Variants in ARK2N observed in about 807,000 individuals in gnomAD.
ARK2N encodes the protein protein ARK2N.
chr18:46,241,898 C>A, the ARK2N span, among the ~76,000 whole-genome samples: 1 of 152,008 alleles, frequency 6.6e-6, no homozygotes, highest in Non-Finnish European at 1.5e-5. Flanking sequence ...CTCACTGCAA[C>A]CTCCGCCTCC....
chr18:46,230,904 T>C, the ARK2N span, among the ~76,000 whole-genome samples: 2 of 152,228 alleles, frequency 1.3e-5, no homozygotes, highest in African/African-American at 4.8e-5. Context: ...TAAAGGTAAA[T>C]GTGTTTTTGA....
chr18:46,245,861 AT>A, the ARK2N span, among the ~76,000 whole-genome samples: 10 of 152,078 alleles, frequency 6.6e-5, no homozygotes, highest in Non-Finnish European at 1.5e-5. Context: ...TTCTTACCCT[AT>A]TTTGATAACT....
chr18:46,259,813 T>TGTGTGTGTGTGTG, the ARK2N span, among the ~76,000 whole-genome samples: 18 of 145,276 alleles, frequency 1.2e-4, no homozygotes, highest in African/African-American at 2.1e-4. Flanking sequence ...TGTGTGTGTG[T>TGTGTGTGTGTGTG]TTGACAGAGA....
At chr18:46,201,506 C>T in the ARK2N span, among the ~76,000 whole-genome samples, 1 of 152,038 alleles carries the variant, frequency 6.6e-6, no homozygotes, top group Non-Finnish European at 1.5e-5. Context: ...GGTGACGATG[C>T]TTTCCTTCAT....
the ARK2N span, among the ~76,000 whole-genome samples, chr18:46,238,034 G>C: frequency 3.3e-5 from 5 of 152,190 alleles, no homozygotes; most frequent in Non-Finnish European, 7.3e-5. Flanking sequence ...GTTTATGCTT[G>C]TATTTCCTAC....
At chr18:46,256,093 G>A in the ARK2N span, among the ~76,000 whole-genome samples, 1 of 152,134 alleles carries the variant, frequency 6.6e-6, no homozygotes, top group African/African-American at 2.4e-5. Context: ...CCCATTGACA[G>A]GTCAGTGTGG....
chr18:46,191,486 A>G, the ARK2N span, among the ~76,000 whole-genome samples: 3 of 152,004 alleles, frequency 2.0e-5, no homozygotes, highest in Non-Finnish European at 4.4e-5. Flanking sequence ...CTGGCCTGAT[A>G]CATTATTAAA....
At chr18:46,216,146 C>T in the ARK2N span, 2 of 1,614,016 alleles carry the variant, frequency 1.2e-6, no homozygotes, top group Non-Finnish European at 1.7e-6. The surrounding 1 kb of genome is among the most constrained non-coding windows in gnomAD (Gnocchi z 4.3). Flanking sequence ...GAGAGTGACT[C>T]CTCTAATCAC....
chr18:46,195,643 C>T, the ARK2N span, among the ~76,000 whole-genome samples: 1 of 140,516 alleles, frequency 7.1e-6, no homozygotes, highest in Non-Finnish European at 1.5e-5. Context: ...GTGGCACGAT[C>T]TGGACTCACT....
chr18:46,253,736 C>T, the ARK2N span: 1 of 883,120 alleles, frequency 1.1e-6, no homozygotes, highest in Non-Finnish European at 1.5e-6. Context: ...GACAAAACAT[C>T]TGCTGGCAAT....
chr18:46,240,023 C>T, the ARK2N span: 1 of 1,614,006 alleles, frequency 6.2e-7, no homozygotes, highest in South Asian at 1.1e-5. Context: ...CCAGTTGTAG[C>T]TCATTATGAT....
At chr18:46,256,505 C>T in the ARK2N span, among the ~76,000 whole-genome samples, 1 of 152,088 alleles carries the variant, frequency 6.6e-6, no homozygotes, top group Non-Finnish European at 1.5e-5. Context: ...TTCTCCCCAC[C>T]CCTAACACAC....
the ARK2N span, among the ~76,000 whole-genome samples, chr18:46,208,095 T>C: frequency 3.9e-5 from 6 of 152,202 alleles, no homozygotes; most frequent in Non-Finnish European, 7.4e-5. Flanking sequence ...TATATACCAG[T>C]CTTTAAGTTC....
the ARK2N span, among the ~76,000 whole-genome samples, chr18:46,201,265 G>T: frequency 6.6e-6 from 1 of 152,122 alleles, no homozygotes; most frequent in East Asian, 1.9e-4. Flanking sequence ...GATTGCAAAC[G>T]TGATCTACTA....
the ARK2N span, among the ~76,000 whole-genome samples, chr18:46,184,333 A>G: frequency 6.6e-6 from 1 of 152,100 alleles, no homozygotes; most frequent in Admixed American, 6.6e-5. Context: ...CATGTTGGCT[A>G]GGCTGGTCTC....
the ARK2N span, among the ~76,000 whole-genome samples, chr18:46,185,574 AG>A: frequency 3.3e-5 from 5 of 152,252 alleles, no homozygotes. Context: ...TAAAGCCAGC[AG>A]GAAGTAGGTC....
chr18:46,195,536 C>T, the ARK2N span, among the ~76,000 whole-genome samples: 1 of 147,762 alleles, frequency 6.8e-6, no homozygotes, highest in Non-Finnish European at 1.5e-5. Flanking sequence ...GCTTGAGCCA[C>T]CACGCCTTGC....
chr18:46,199,312 ATTATT>A, the ARK2N span, among the ~76,000 whole-genome samples: 4 of 151,722 alleles, frequency 2.6e-5, no homozygotes, highest in Non-Finnish European at 5.9e-5. Flanking sequence ...ATTTTTAAAA[ATTATT>A]TTATTTTATT....
the ARK2N span, among the ~76,000 whole-genome samples, chr18:46,209,720 C>T: frequency 4.6e-5 from 7 of 152,146 alleles, no homozygotes; most frequent in South Asian, 2.1e-4. Flanking sequence ...CTCAGCCTCC[C>T]GAGTAGCTTG....
Sources: allele counts gnomAD v4.1 joint callset (sites outside exome capture counted in the v4.1 genomes callset), GRCh38; gene constraint gnomAD v4.1.1; non-coding constraint Gnocchi (gnomAD v3.1); transcripts MANE v1.5; gene names NCBI Gene and HGNC (gene_info 2026-07-23, HGNC 2026-07-21).